The following GLIS3 variants were observed in gnomAD, a reference collection of about 807,000 sequenced individuals.
GLIS3 encodes zinc finger protein GLIS3.
In GLIS3, 53 loss-of-function variants were observed where a neutral mutation model predicts 78.6. That is an observed-to-expected ratio of 0.67 (90% CI 0.54 to 0.85). The LOEUF (loss-of-function observed/expected upper bound fraction) is 0.85. Ranked by LOEUF, GLIS3 falls within the 40% of genes least tolerant of loss-of-function variation. The pLI, the probability that GLIS3 is intolerant of heterozygous loss-of-function variation, is 0.00. For synonymous variants in GLIS3, 684 were observed against 509.9 expected (o/e 1.34, Z -4.60); for missense variants, 1,703 against 1,231.1 (o/e 1.38, Z -5.74).
intron 2 of GLIS3, among the ~76,000 whole-genome samples, chr9:4,255,455 G>A (rs1274749880): frequency 2.6e-5 from 4 of 152,154 alleles, no homozygotes; most frequent in African/African-American, 9.7e-5. Context: ...GGCAGAACTT[G>A]GAAGTAACCA....
the GLIS3 span, among the ~76,000 whole-genome samples, chr9:4,460,433 A>G: frequency 6.6e-6 from 1 of 152,254 alleles, no homozygotes; most frequent in Non-Finnish European, 1.5e-5. Context: ...TTAGGTTGCC[A>G]TAATGGAAGT....
At chr9:3,862,393 A>T (rs777527549) in intron 8 of GLIS3, among the ~76,000 whole-genome samples, 13 of 152,218 alleles carry the variant, frequency 8.5e-5, no homozygotes, top group Non-Finnish European at 1.5e-4. Context: ...GAACTTGCTC[A>T]GCCCTGAACT....
intron 7 of GLIS3, among the ~76,000 whole-genome samples, chr9:3,884,560 C>T (rs536981411): frequency 6.6e-6 from 1 of 152,328 alleles, no homozygotes; most frequent in African/African-American, 2.4e-5. Context: ...ATGGAAACTA[C>T]ACTTTGAGTA....
At chr9:4,409,891 C>G in the GLIS3 span, among the ~76,000 whole-genome samples, 1 of 152,152 alleles carries the variant, frequency 6.6e-6, no homozygotes, top group Admixed American at 6.5e-5. Flanking sequence ...ATCCAAATGC[C>G]TATAAGTTAT....
chr9:4,362,235 G>T, the GLIS3 span, among the ~76,000 whole-genome samples: 1 of 152,170 alleles, frequency 6.6e-6, no homozygotes, highest in Non-Finnish European at 1.5e-5. Flanking sequence ...TTTTGCTATG[G>T]ATTTTTTTCC....
At chr9:4,178,121 A>C (rs1205605427) in intron 2 of GLIS3, among the ~76,000 whole-genome samples, 2 of 152,174 alleles carry the variant, frequency 1.3e-5, no homozygotes, top group Non-Finnish European at 2.9e-5. Flanking sequence ...ATTCTTAAAG[A>C]TATGTTCCTA....
chr9:3,950,107 C>G (rs141035801), intron 4 of GLIS3, among the ~76,000 whole-genome samples: 8 of 152,300 alleles, frequency 5.3e-5, no homozygotes, highest in Non-Finnish European at 8.8e-5. Flanking sequence ...TGACATTTCC[C>G]TCTCCCACAT....
At chr9:4,433,098 G>C in the GLIS3 span, among the ~76,000 whole-genome samples, 4 of 152,300 alleles carry the variant, frequency 2.6e-5, no homozygotes, top group African/African-American at 4.8e-5. Flanking sequence ...AAATACTTCA[G>C]TTATCGAGCT....
At chr9:4,440,093 C>T in the GLIS3 span, among the ~76,000 whole-genome samples, 1 of 152,158 alleles carries the variant, frequency 6.6e-6, no homozygotes, top group African/African-American at 2.4e-5. Context: ...GGATATCAAC[C>T]TCTTGTCAGA....
intron 8 of GLIS3, among the ~76,000 whole-genome samples, chr9:3,865,358 G>C (rs1047137054): frequency 6.6e-6 from 1 of 152,182 alleles, no homozygotes; most frequent in African/African-American, 2.4e-5. Context: ...AAGATTTCTA[G>C]ATCGCGCCTT....
At chr9:3,859,370 CACACACACACACACACACACACACACACA>C (rs1820015642) in intron 8 of GLIS3, among the ~76,000 whole-genome samples, 1 of 13,782 alleles carries the variant, frequency 7.3e-5, no homozygotes. Context: ...CACACACACA[CACACACACACACACACACACACACACACA>C]CATCAAAATG....
chr9:3,898,723 C>CG lies in GLIS3; in HGVS notation c.2095dup (p.Arg699ProfsTer8). ...GAGGTCAGGCCCGGGTCCAGGGGAGCGTCCCACGGTCCCTTCAGCAGCAGC... is the reference window on the plus strand; with the variant it reads ...GAGGTCAGGCCCGGGTCCAGGGGAGCGGTCCCACGGTCCCTTCAGCAGCAGC... On this transcript the variant is annotated frameshift_variant, in exon 7 of 11. Coordinates refer to ENST00000381971, the MANE Select transcript of GLIS3 (RefSeq NM_001042413.2). LOFTEE classifies it high-confidence loss of function. The CG allele has an allele frequency of 6.2e-7, 1 of 1,614,146 alleles. No individual in the cohort carries two copies. Among genetic ancestry groups the CG allele is most frequent in the Non-Finnish European group, 8.5e-7 (1 of 1,180,014 alleles).
chr9:4,127,167 G>T (rs1808914742), intron 2 of GLIS3, among the ~76,000 whole-genome samples: 1 of 152,124 alleles, frequency 6.6e-6, no homozygotes, highest in African/African-American at 2.4e-5. Flanking sequence ...TAGCTGCCAG[G>T]AATCCTGGTC....
chr9:3,843,019 C>T (rs925096561), intron 9 of GLIS3, among the ~76,000 whole-genome samples: 1 of 152,148 alleles, frequency 6.6e-6, no homozygotes, highest in Non-Finnish European at 1.5e-5. Flanking sequence ...AGATGACTTG[C>T]CTGGCTCTCT....
the GLIS3 span, among the ~76,000 whole-genome samples, chr9:4,487,125 G>A: frequency 8.6e-5 from 13 of 152,018 alleles, no homozygotes; most frequent in Non-Finnish European, 1.6e-4. Flanking sequence ...TCAGCCTCTC[G>A]AGTAGCTGGG....
the GLIS3 span, among the ~76,000 whole-genome samples, chr9:4,388,572 A>G: frequency 2.6e-5 from 4 of 152,146 alleles, no homozygotes; most frequent in African/African-American, 9.7e-5. Context: ...GCTACGCAGG[A>G]GGCTGAGGCA....
chr9:4,090,557 C>G (rs775028673), intron 4 of GLIS3, among the ~76,000 whole-genome samples: 1 of 152,134 alleles, frequency 6.6e-6, no homozygotes, highest in Non-Finnish European at 1.5e-5. Flanking sequence ...GAACACATAG[C>G]AGTTGGACCA....
At chr9:4,474,389 A>C in the GLIS3 span, among the ~76,000 whole-genome samples, 24 of 152,304 alleles carry the variant, frequency 1.6e-4, no homozygotes, top group African/African-American at 5.8e-4. Context: ...ACGCAGACAC[A>C]CAAATAGAAA....
intron 2 of GLIS3, among the ~76,000 whole-genome samples, chr9:4,231,227 A>T (rs1822225257): frequency 6.6e-6 from 1 of 152,226 alleles, no homozygotes; most frequent in African/African-American, 2.4e-5. Flanking sequence ...ATAAAAGTAC[A>T]GTCAACTGAA....
Sources: gnomAD v4.1 joint callset for allele counts (sites outside exome capture counted in the v4.1 genomes callset) on GRCh38, gnomAD v4.1.1 for gene constraint, MANE v1.5 for transcripts, NCBI Gene and HGNC (gene_info 2026-07-23, HGNC 2026-07-21) for gene names.